The following AKR1C1 variants were observed in gnomAD, a reference collection of about 807,000 sequenced individuals.
AKR1C1 encodes 20 alpha-hydroxysteroid dehydrogenase.
In AKR1C1, 32 loss-of-function variants were observed where a neutral mutation model predicts 40.6. That is an observed-to-expected ratio of 0.79 (90% CI 0.60 to 1.06). The LOEUF (loss-of-function observed/expected upper bound fraction) is 1.06. Ranked by LOEUF, AKR1C1 falls within the 50% of genes least tolerant of loss-of-function variation. The pLI, the probability that AKR1C1 is intolerant of heterozygous loss-of-function variation, is 0.00. For synonymous variants in AKR1C1, 105 were observed against 134.2 expected (o/e 0.78, Z 1.50); for missense variants, 320 against 363.5 (o/e 0.88, Z 0.97).
At position 4,979,451 on chromosome 10, in the gene AKR1C1, C is replaced by T. The variant is rs1167759152; in HGVS notation, c.*1709C>T. 2 of 152,160 alleles carry T rather than the reference C, an allele frequency of 1.3e-5. No individual in the cohort carries two copies. Among genetic ancestry groups the T allele is most frequent in the Non-Finnish European group, 2.9e-5 (2 of 68,034 alleles). 9.4% of individuals were successfully genotyped at this position (152,160 alleles called of 1,614,324 possible). A position where few individuals can be genotyped will look rare whatever the true frequency, so the allele number is the denominator to read the frequency against. On this transcript the variant is annotated 3_prime_UTR_variant, in exon 9 of 9. Coordinates refer to ENST00000380872, the MANE Select transcript of AKR1C1 (RefSeq NM_001353.6). ...GAAATCTCATGTAAACCATGGCCAT[C>T]CTGTTCTACCTTAACTTTCTGAGTC... is the stretch of plus-strand genomic sequence containing the variant.
Position 4,978,852 on chromosome 10 carries a change from A to T in AKR1C1, c.*1110A>T, listed in dbSNP as rs1482317758. ...TCAAACTTTGGTAAATTTTAAGAAC[A>T]ACTCTTACAAAGGCATTTAATTCTT... On this transcript the variant is annotated 3_prime_UTR_variant, in exon 9 of 9. Coordinates refer to ENST00000380872, the MANE Select transcript of AKR1C1 (RefSeq NM_001353.6). The T allele has an allele frequency of 3.3e-5, 5 of 152,258 alleles. No individual in the cohort carries two copies. Among genetic ancestry groups the T allele is most frequent in the Non-Finnish European group, 7.3e-5 (5 of 68,048 alleles). 9.4% of individuals were successfully genotyped at this position (152,258 alleles called of 1,614,324 possible). A position where few individuals can be genotyped will look rare whatever the true frequency, so the allele number is the denominator to read the frequency against.
rs1371123251 is a variant in AKR1C1, at chr10:4,979,827, C to G, written c.*2085C>G. Reference sequence around the variant, plus strand: ...TAGGGACCTCCAATCACTAATTTTCCTATTTTTTCTCTCAAAGAAATGCTG... The same window carrying G: ...TAGGGACCTCCAATCACTAATTTTCGTATTTTTTCTCTCAAAGAAATGCTG... On this transcript the variant is annotated 3_prime_UTR_variant, in exon 9 of 9. Coordinates refer to ENST00000380872, the MANE Select transcript of AKR1C1 (RefSeq NM_001353.6). 1.3e-5 allele frequency: 2 copies of G among 151,102 alleles called. No individual in the cohort carries two copies. Among genetic ancestry groups the G allele is most frequent in the African/African-American group, 4.9e-5 (2 of 41,044 alleles). 9.4% of individuals were successfully genotyped at this position (151,102 alleles called of 1,614,324 possible). A position where few individuals can be genotyped will look rare whatever the true frequency, so the allele number is the denominator to read the frequency against.
chr10:4,978,590 G>C lies in AKR1C1; in HGVS notation c.*848G>C, dbSNP rs1836565363. ...TTGACTAATCACATTCCCCTGAATA[G>C]CTCATATTTAGAAAATATTCTTAGA... is the stretch of plus-strand genomic sequence containing the variant. On this transcript the variant is annotated 3_prime_UTR_variant, in exon 9 of 9. Coordinates refer to ENST00000380872, the MANE Select transcript of AKR1C1 (RefSeq NM_001353.6). 1 of 152,056 alleles carries C rather than the reference G, an allele frequency of 6.6e-6. No homozygotes were observed. The highest frequency in any genetic ancestry group is 2.1e-4 in the South Asian group (1 of 4,832). The allele number at this position is 152,056 out of a possible 1,614,324, so 9.4% of individuals were successfully genotyped here.
In AKR1C1 at chr10:4,973,921, A is replaced by G. The variant is rs1836481581; in HGVS notation, c.846+1172A>G. On this transcript the variant is annotated intron_variant, in intron 7 of 8. Transcript: ENST00000380872. ...TATATACAGATATATGAAATATCAT[A>G]TATGATATATATTATAAAACCTATG... is the stretch of plus-strand genomic sequence containing the variant. 6.0e-5 allele frequency among the ~76,000 whole-genome samples: 8 copies of G among 134,192 alleles called. No homozygotes were observed. In the South Asian group the frequency reaches 1.9e-3, roughly 31 times the overall value. The allele number at this position is 134,192 out of a possible 152,430, so 88.0% of individuals were successfully genotyped here.
intron 8 of AKR1C1, 55 bp from the exon 9 acceptor site, chr10:4,977,645 C>T (rs74111919): frequency 3.9e-5 from 63 of 1,610,426 alleles, no homozygotes; most frequent in African/African-American, 3.6e-4. Context: ...CTGCACTACC[C>T]GCTAGTAACG....
At chr10:4,967,698 A>G (rs1836354261) in intron 3 of AKR1C1, 3 of 566,152 alleles carry the variant, frequency 5.3e-6, no homozygotes, top group Admixed American at 6.3e-5. Context: ...CTCTAAAAAT[A>G]TATCCTTTCT....
chr10:4,977,175 T>C (rs1185479858), intron 8 of AKR1C1, among the ~76,000 whole-genome samples: 1 of 152,252 alleles, frequency 6.6e-6, no homozygotes, highest in Non-Finnish European at 1.5e-5. Flanking sequence ...ATTGTAGCTC[T>C]TTGGATATTG....
chr10:4,966,941 C>G lies in AKR1C1; in HGVS notation c.267C>G (p.Ser89=). The change falls in exon 3 of 9, where the codon TCC becomes TCG. Residue 89 remains serine (S), a synonymous_variant. Coordinates refer to ENST00000380872, the MANE Select transcript of AKR1C1 (RefSeq NM_001353.6). ...AACCTCTGCAGCTTTGGTGCAATTCCCATCGACCAGAGTTGGTCCGACCAG... is the reference window on the plus strand; with the variant it reads ...AACCTCTGCAGCTTTGGTGCAATTCGCATCGACCAGAGTTGGTCCGACCAG... ...IFYTSKLWCN[S]HRPELVRPAL... is the part of the protein sequence containing the mutation. The G allele has an allele frequency of 1.2e-6, 2 of 1,613,000 alleles. No individual in the cohort carries two copies. The highest frequency in any genetic ancestry group is 1.7e-6 in the Non-Finnish European group (2 of 1,179,514).
rs543447629 is a variant in AKR1C1, at chr10:4,982,811, A to G, written c.*5069A>G. 1.7e-5 allele frequency: 6 copies of G among 346,206 alleles called. No homozygotes were observed. The highest frequency in any genetic ancestry group is 3.5e-5 in the Non-Finnish European group (6 of 173,498). 21.4% of individuals were successfully genotyped at this position (346,206 alleles called of 1,614,324 possible). On this transcript the variant is annotated 3_prime_UTR_variant, in exon 9 of 9. Transcript: ENST00000380872. ...CAGTCCACACAGCACCTCAAGGAAG[A>G]ATAAATAGAACTGTTCCCAGGAAGG...
chr10:4,969,827 T>C, intron 5 of AKR1C1: 2 of 1,372,230 alleles, frequency 1.5e-6, no homozygotes, highest in Non-Finnish European at 2.0e-6. Context: ...ATTTTATGTT[T>C]TAAAACTTAG....
intron 5 of AKR1C1, chr10:4,969,870 A>G (rs1331893199): frequency 3.9e-6 from 3 of 770,214 alleles, no homozygotes; most frequent in Non-Finnish European, 6.1e-6. Flanking sequence ...GTGGAAATAC[A>G]TATGTATAAA....
At chr10:4,970,102 TATA>T (rs1836399700) in intron 5 of AKR1C1, among the ~76,000 whole-genome samples, 1 of 152,058 alleles carries the variant, frequency 6.6e-6, no homozygotes, top group African/African-American at 2.4e-5. Context: ...CATAAATACA[TATA>T]ATGTTTCTAG....
Position 4,976,122 on chromosome 10 carries a change from G to A in AKR1C1, c.929+189G>A, listed in dbSNP as rs567267393. Among the ~76,000 whole-genome samples, 16 of 147,444 alleles carry A rather than the reference G, an allele frequency of 1.1e-4. No individual in the cohort carries two copies. The South Asian group carries it at 3.1e-3, about 29-fold the overall frequency. ...TCTCTGGCAGGGAGAGTGGCCTGGG[G>A]TCAGCATGGGTCAACCTGTGCCTCT... On this transcript the variant is annotated intron_variant, in intron 8 of 8. Coordinates refer to ENST00000380872, the MANE Select transcript of AKR1C1 (RefSeq NM_001353.6).
rs1439710231 is a variant in AKR1C1 at position 4,972,187 on chromosome 10, T to C, written c.571-14T>C. On this transcript the variant is annotated splice_polypyrimidine_tract_variant and intron_variant, in intron 5 of 8. Coordinates refer to ENST00000380872, the MANE Select transcript of AKR1C1 (RefSeq NM_001353.6). Reference sequence around the variant, plus strand: ...TTGGATTATCTGATGCTTTTCCATCTTGCTCGTCTGCAGGTGGAATGTCAT... The same window carrying C: ...TTGGATTATCTGATGCTTTTCCATCCTGCTCGTCTGCAGGTGGAATGTCAT... The C allele has an allele frequency of 1.9e-6, 3 of 1,613,828 alleles. No homozygotes were observed. The highest frequency in any genetic ancestry group is 2.5e-6 in the Non-Finnish European group (3 of 1,179,938).
rs1588565926 is a variant in AKR1C1 at position 4,977,750 on chromosome 10, G to T, written c.*8G>T. ...TTTTCTGATGAATATTAACATGGAG[G>T]GCATTGCATGAGGTCTGCCAGAAGG... is the stretch of plus-strand genomic sequence containing the variant. On this transcript the variant is annotated 3_prime_UTR_variant, in exon 9 of 9. Coordinates refer to ENST00000380872, the MANE Select transcript of AKR1C1 (RefSeq NM_001353.6). The T allele has an allele frequency of 1.2e-6, 2 of 1,611,312 alleles. No homozygotes were observed. Among genetic ancestry groups the T allele is most frequent in the African/African-American group, 2.7e-5 (2 of 74,760 alleles).
chr10:4,964,809 G>C (rs1293158858), intron 1 of AKR1C1, among the ~76,000 whole-genome samples: 1 of 152,096 alleles, frequency 6.6e-6, no homozygotes, highest in African/African-American at 2.4e-5. Context: ...ATTTAGTTCT[G>C]TCATGCCGAC....
chr10:4,965,924 G>A lies in AKR1C1; in HGVS notation c.95G>A (p.Ser32Asn). 1 of 1,613,598 alleles carries A rather than the reference G, an allele frequency of 6.2e-7. No individual in the cohort carries two copies. The highest frequency in any genetic ancestry group is 8.5e-7 in the Non-Finnish European group (1 of 1,179,796). The change falls in exon 2 of 9, where the codon AGT (serine) becomes AAT (asparagine). Residue 32 changes from serine (S) to asparagine (N), a missense_variant. This residue lies in a region of AKR1C1 where 214 missense variants were observed against 214.8 expected (regional missense o/e 1.00). Coordinates refer to ENST00000380872, the MANE Select transcript of AKR1C1 (RefSeq NM_001353.6). ...GTYAPAEVPK[S>N]KALEATKLAI... Reference sequence around the variant, plus strand: ...TGGTTACTCCCCCAGGTTCCTAAAAGTAAAGCTTTAGAGGCCACCAAATTG... The same window carrying A: ...TGGTTACTCCCCCAGGTTCCTAAAAATAAAGCTTTAGAGGCCACCAAATTG...
Position 4,967,017 on chromosome 10 carries a change from C to G in AKR1C1, c.343C>G (p.Leu115Val). 3.7e-6 allele frequency: 6 copies of G among 1,613,848 alleles called. No homozygotes were observed. The highest frequency in any genetic ancestry group is 1.1e-5 in the South Asian group (1 of 91,060). Residue 115 changes from leucine (L) to valine (V), a missense_variant, in exon 3 of 9, where the codon CTT becomes GTT. Physicochemically the swap from Leu to Val is conservative, Grantham distance 32. Coordinates refer to ENST00000380872, the MANE Select transcript of AKR1C1 (RefSeq NM_001353.6). ...NLQLDYVDLY[L>V]IHFPVSVKPG... ...TCAATTGGATTATGTTGACCTCTAC[C>G]TTATTCATTTTCCAGTGTCTGTAAA...
At position 4,982,432 on chromosome 10, in the gene AKR1C1, C is replaced by G. The variant is rs1428130502; in HGVS notation, c.*4690C>G. ...GCAAGCTGTAAGCGGCCCACTACTT[C>G]CCACTCCCTTTTTTGAACTCTTCTG... On this transcript the variant is annotated 3_prime_UTR_variant, in exon 9 of 9. Coordinates refer to ENST00000380872, the MANE Select transcript of AKR1C1 (RefSeq NM_001353.6). 1 of 149,814 alleles carries G rather than the reference C, an allele frequency of 6.7e-6. No individual in the cohort carries two copies. The highest frequency in any genetic ancestry group is 1.5e-5 in the Non-Finnish European group (1 of 67,958). The allele number at this position is 149,814 out of a possible 1,614,324, so 9.3% of individuals were successfully genotyped here.
Sources: gnomAD v4.1 joint callset for allele counts (sites outside exome capture counted in the v4.1 genomes callset) on GRCh38, gnomAD v4.1.1 for gene constraint, gnomAD v4.1.1 regional missense constraint, MANE v1.5 for transcripts, NCBI Gene and HGNC (gene_info 2026-07-23, HGNC 2026-07-21) for gene names.